Variants in MBTD1 observed in about 807,000 individuals in gnomAD.
MBTD1 encodes mbt domain containing 1, also known as MBT domain-containing protein 1.
In MBTD1, 24 loss-of-function variants were observed where a neutral mutation model predicts 87.8. That is an observed-to-expected ratio of 0.27 (90% CI 0.20 to 0.38). The LOEUF (loss-of-function observed/expected upper bound fraction) is 0.38. Ranked by LOEUF, MBTD1 falls within the 10% of genes least tolerant of loss-of-function variation. MBTD1 has a pLI of 1.00. For missense variants in MBTD1, 436 were observed against 760.2 expected (o/e 0.57, Z 5.02); for synonymous variants, 237 against 248.6 (o/e 0.95, Z 0.44).
chr17:51,191,055 A>G (rs1328876610), intron 16 of MBTD1, among the ~76,000 whole-genome samples: 1 of 151,996 alleles, frequency 6.6e-6, no homozygotes, highest in African/African-American at 2.4e-5. Flanking sequence ...ACTGCACTCC[A>G]TTCCAGCCTG....
chr17:51,258,429 G>A (rs78452106), intron 2 of MBTD1, among the ~76,000 whole-genome samples: 7,948 of 151,480 alleles, frequency 0.052, 283 homozygotes, highest in Middle Eastern at 0.078. Flanking sequence ...AATATAAGGA[G>A]AATTAAAAAT....
At chr17:51,193,559 A>T (rs767279047) in intron 13 of MBTD1, 49 bp from the exon 14 acceptor site, 3 of 1,003,814 alleles carry the variant, frequency 3.0e-6, no homozygotes, top group Non-Finnish European at 4.7e-6. Flanking sequence ...AATTAGCATA[A>T]TATTAAAATG....
At chr17:51,202,551 G>C (rs2051552047) in intron 10 of MBTD1, 150 bp downstream of exon 10, 1 of 642,260 alleles carries the variant, frequency 1.6e-6, no homozygotes. Flanking sequence ...CACTAATATG[G>C]TGTGAACCTT....
rs753866350 is a variant in MBTD1, at chr17:51,202,756, T to C, written c.1008A>G (p.Pro336=). Residue 336 remains proline (P), a synonymous_variant, in exon 10 of 17, where the codon CCA becomes CCG. Coordinates refer to ENST00000586178, the MANE Select transcript of MBTD1 (RefSeq NM_017643.3). ...TDDFWCHMHS[P]LIHHIGWSRS... is the part of the protein sequence containing the mutation. ...GAGACCAACCAATATGATGTATTAA[T>C]GGGCTGTGCATATGGCACCAGAAGT... The C allele has an allele frequency of 6.2e-7, 1 of 1,614,192 alleles. No individual in the cohort carries two copies. Among genetic ancestry groups the C allele is most frequent in the Non-Finnish European group, 8.5e-7 (1 of 1,180,014 alleles).
rs1333678778 is a variant in MBTD1, at chr17:51,259,149, T to G, written c.-55A>C. 1 of 691,116 alleles carries G rather than the reference T, an allele frequency of 1.4e-6. No individual in the cohort carries two copies. The highest frequency in any genetic ancestry group is 1.9e-5 in the African/African-American group (1 of 53,982). 42.8% of individuals were successfully genotyped at this position (691,116 alleles called of 1,614,324 possible). A position where few individuals can be genotyped will look rare whatever the true frequency, so the allele number is the denominator to read the frequency against. ...CAGGGTTCAGACTACCTACCACTTG[T>G]CAGAGAGGCTGCAGAGGGGACGGCT... On this transcript the variant is annotated 5_prime_UTR_variant, in exon 2 of 17. Coordinates refer to ENST00000586178, the MANE Select transcript of MBTD1 (RefSeq NM_017643.3).
At chr17:51,213,152 C>T (rs1171938015) in intron 6 of MBTD1, among the ~76,000 whole-genome samples, 1 of 152,200 alleles carries the variant, frequency 6.6e-6, no homozygotes, top group African/African-American at 2.4e-5. Flanking sequence ...AATTCTTCCC[C>T]TTCAGCCTCC....
intron 16 of MBTD1, among the ~76,000 whole-genome samples, chr17:51,187,151 G>A (rs1371189322): frequency 1.3e-5 from 2 of 152,060 alleles, no homozygotes; most frequent in Admixed American, 1.3e-4. Flanking sequence ...GGCTGGGCAT[G>A]GTGGCTTATG....
intron 3 of MBTD1, among the ~76,000 whole-genome samples, chr17:51,224,753 T>C (rs919850024): frequency 6.6e-6 from 1 of 152,254 alleles, no homozygotes; most frequent in Non-Finnish European, 1.5e-5. Flanking sequence ...GCATTTCTTA[T>C]CTAATTACTA....
chr17:51,240,585 G>C (rs753849532), intron 2 of MBTD1, among the ~76,000 whole-genome samples: 4 of 152,174 alleles, frequency 2.6e-5, no homozygotes, highest in Non-Finnish European at 5.9e-5. Flanking sequence ...CTTTGTATCA[G>C]AGCATTTCAA....
At position 51,237,295 on chromosome 17, in the gene MBTD1, C is replaced by CAAAA. The variant is rs368805446; in HGVS notation, c.-48-12090_-48-12087dup. Among the ~76,000 whole-genome samples the CAAAA allele has an allele frequency of 2.8e-4, 17 of 60,426 alleles. No individual in the cohort carries two copies. The South Asian group carries it at 4.4e-3, about 16-fold the overall frequency. The allele number at this position is 60,426 out of a possible 152,430, so 39.6% of individuals were successfully genotyped here. On this transcript the variant is annotated intron_variant, in intron 2 of 16. Coordinates refer to ENST00000586178, the MANE Select transcript of MBTD1 (RefSeq NM_017643.3). ...TGGGTGATGGTGTGAGACTCCATCT[C>CAAAA]AAAAAAAAAAAAAAAAAAAAGAAAA...
At chr17:51,180,740 G>C (rs1162717746) in intron 16 of MBTD1, 46 bp from the exon 17 acceptor site, 1 of 990,460 alleles carries the variant, frequency 1.0e-6, no homozygotes, top group Admixed American at 2.1e-5. Context: ...GCTCTCTAGA[G>C]TACTCGGATT....
chr17:51,224,686 G>A (rs1482944849), intron 3 of MBTD1, among the ~76,000 whole-genome samples: 1 of 152,160 alleles, frequency 6.6e-6, no homozygotes, highest in Non-Finnish European at 1.5e-5. Flanking sequence ...AACCTCGAAT[G>A]TCTCTTTCAA....
Position 51,246,207 on chromosome 17 carries a change from C to A in MBTD1, c.-49+12936G>T, listed in dbSNP as rs569695552. On this transcript the variant is annotated intron_variant, in intron 2 of 16. Coordinates refer to ENST00000586178, the MANE Select transcript of MBTD1 (RefSeq NM_017643.3). The stretch of plus-strand genomic sequence containing the variant: ...GAGACCCAAGTCTAAACACGAAATT[C>A]ACTTGTTTCATATCCAACTTATACA... Among the ~76,000 whole-genome samples, 33 of 152,284 alleles carry A rather than the reference C, an allele frequency of 2.2e-4. No individual in the cohort carries two copies. In the East Asian group the frequency reaches 6.2e-3, roughly 28 times the overall value.
chr17:51,245,836 A>T (rs1455411193), intron 2 of MBTD1, among the ~76,000 whole-genome samples: 1 of 151,392 alleles, frequency 6.6e-6, no homozygotes, highest in Non-Finnish European at 1.5e-5. Flanking sequence ...TTGCATGTTT[A>T]TTTTTCCAAG....
rs555365819 is a variant in MBTD1, at chr17:51,205,295, C to T, written c.605-1370G>A. ...CTTCTGGTTAACATTAGGCTCACTT[C>T]TACAATGGCATTAAAGTGGCTTAAA... On this transcript the variant is annotated intron_variant, in intron 7 of 16. Transcript: ENST00000586178. Among the ~76,000 whole-genome samples, 26 of 152,256 alleles carry T rather than the reference C, an allele frequency of 1.7e-4. No individual in the cohort carries two copies. The South Asian group carries it at 2.9e-3, about 17-fold the overall frequency.
chr17:51,260,694 G>A (rs1555704948), upstream of MBTD1: 5 of 1,606,562 alleles, frequency 3.1e-6, no homozygotes, highest in South Asian at 2.2e-5. Context: ...GGGCCAGGCG[G>A]GCCTCCCCAA....
At position 51,258,137 on chromosome 17, in the gene MBTD1, G is replaced by A. The variant is rs1476635241; in HGVS notation, c.-49+1006C>T. ...CAGTCTCTAAGTTATAAGAGGAGGA[G>A]AGAAAAATTGAGTCTAACCTTTTAA... is the stretch of plus-strand genomic sequence containing the variant. On this transcript the variant is annotated intron_variant, in intron 2 of 16. Transcript: ENST00000586178. Among the ~76,000 whole-genome samples the A allele has an allele frequency of 3.3e-5, 5 of 152,284 alleles. No homozygotes were observed. In the East Asian group the frequency reaches 9.6e-4, roughly 29 times the overall value.
At chr17:51,244,303 A>G (rs1411465080) in intron 2 of MBTD1, among the ~76,000 whole-genome samples, 2 of 152,174 alleles carry the variant, frequency 1.3e-5, no homozygotes, top group African/African-American at 2.4e-5. Flanking sequence ...CATTATCAGT[A>G]TGAATTCACT....
chr17:51,245,218 A>G (rs974104245), intron 2 of MBTD1, among the ~76,000 whole-genome samples: 5 of 151,652 alleles, frequency 3.3e-5, no homozygotes, highest in African/African-American at 1.2e-4. Flanking sequence ...TTTTTTTGTT[A>G]TCTTATTTTG....
Sources: gnomAD v4.1 joint callset for allele counts (sites outside exome capture counted in the v4.1 genomes callset) on GRCh38, gnomAD v4.1.1 for gene constraint, MANE v1.5 for transcripts, NCBI Gene and HGNC (gene_info 2026-07-23, HGNC 2026-07-21) for gene names.